CHCHD1: variants seen among roughly 807,000 people sequenced by gnomAD.
CHCHD1 encodes the protein coiled-coil-helix-coiled-coil-helix domain containing 1.
In CHCHD1, 12 loss-of-function variants were observed where a neutral mutation model predicts 12.7. That is an observed-to-expected ratio of 0.95 (90% CI 0.61 to 1.53). The LOEUF is 1.53. Ranked by LOEUF, CHCHD1 falls within the 40% of genes most tolerant of loss-of-function variation. The pLI is 0.00. For missense variants in CHCHD1, 151 were observed against 155.8 expected, an observed-to-expected ratio of 0.97 and a Z score of 0.17; for synonymous variants, 57 against 62.4, an observed-to-expected ratio of 0.91 and a Z score of 0.41.
intron 2 of CHCHD1, 172 bp from the exon 3 acceptor site, chr10:73,782,902 A>G (rs1316846975): frequency 3.1e-6 from 2 of 636,544 alleles, no homozygotes; most frequent in African/African-American, 1.8e-5. Flanking sequence ...AGAGGCTGAC[A>G]TAGATCTCTC....
chr10:73,782,696 G>A, intron 2 of CHCHD1: 1 of 903,636 alleles, frequency 1.1e-6, no homozygotes, highest in South Asian at 2.0e-5. Context: ...AGTGTCAGAT[G>A]AAGTAATGAA....
chr10:73,782,877 G>A (rs1481245699), intron 2 of CHCHD1, 197 bp from the exon 3 acceptor site: 30 of 599,092 alleles, frequency 5.0e-5, no homozygotes, highest in Non-Finnish European at 6.9e-5. Context: ...AGGTCCCAAC[G>A]CCCTTTTGTT....
At chr10:73,782,261 G>A in intron 1 of CHCHD1, 62 bp downstream of exon 1, 1 of 1,609,734 alleles carries the variant, frequency 6.2e-7, no homozygotes, top group Non-Finnish European at 8.5e-7. Context: ...GGGGCGGGTG[G>A]GTAGGAGGGC....
chr10:73,782,087 C>T lies in CHCHD1; in HGVS notation c.12C>T (p.Pro4=), dbSNP rs1307461496. 1.2e-5 allele frequency: 20 copies of T among 1,613,306 alleles called. No individual in the cohort carries two copies. Among genetic ancestry groups the T allele is most frequent in the Non-Finnish European group, 1.7e-5 (20 of 1,179,896 alleles). MAT[P]SLRGRLARFG... ...GAGCTTGGTGCGCTATGGCGACACC[C>T]AGCCTGCGGGGTCGTCTGGCGCGGT... Residue 4 remains proline (P), a synonymous_variant, in exon 1 of 3, where the codon CCC becomes CCT. Coordinates refer to ENST00000372833, the MANE Select transcript of CHCHD1 (RefSeq NM_203298.3).
At chr10:73,783,053 G>T (rs1348175507) in intron 2 of CHCHD1, 21 bp from the exon 3 acceptor site, 1 of 1,565,188 alleles carries the variant, frequency 6.4e-7, no homozygotes, top group Admixed American at 1.7e-5. Flanking sequence ...TGTCATTCTT[G>T]TATTTGTTTT....
At chr10:73,782,881 T>A in intron 2 of CHCHD1, 193 bp from the exon 3 acceptor site, 1 of 605,168 alleles carries the variant, frequency 1.7e-6, no homozygotes, top group Non-Finnish European at 2.9e-6. Flanking sequence ...CCCAACGCCC[T>A]TTTGTTGAAA....
Position 73,782,147 on chromosome 10 carries a change from T to A in CHCHD1, c.72T>A (p.Asn24Lys), listed in dbSNP as rs147216914. The stretch of plus-strand genomic sequence containing the variant: ...CGCGGAAGCCTGTGCTGAAGCCCAA[T>A]AAACCTCTCATTCTAGCTAACCGCG... ...GNPRKPVLKPNKPLILANRVG... is the reference protein window; with the variant it reads ...GNPRKPVLKPKKPLILANRVG... The change falls in exon 1 of 3, where the codon AAT becomes AAA. Residue 24 changes from asparagine (N) to lysine (K), a missense_variant. Coordinates refer to ENST00000372833, the MANE Select transcript of CHCHD1 (RefSeq NM_203298.3). 1.9e-6 allele frequency: 3 copies of A among 1,613,630 alleles called. No homozygotes were observed. The highest frequency in any genetic ancestry group is 2.5e-6 in the Non-Finnish European group (3 of 1,180,002).
rs1484726650 is a variant in CHCHD1, at chr10:73,782,345, G to T, written c.147G>T (p.Met49Ile). 6.2e-7 allele frequency: 1 copy of T among 1,614,066 alleles called. No individual in the cohort carries two copies. The highest frequency in any genetic ancestry group is 8.5e-7 in the Non-Finnish European group (1 of 1,180,010). ...EKGEATCITE[M>I]SVMMACWKQN... is the part of the protein sequence containing the mutation. ...CAGAGGCGACTTGCATCACGGAGAT[G>T]TCGGTGATGATGGCTTGCTGGAAGC... The change falls in exon 2 of 3, where the codon ATG becomes ATT. Residue 49 changes from methionine (M) to isoleucine (I), a missense_variant. Physicochemically the swap from Met to Ile is conservative, Grantham distance 10. Coordinates refer to ENST00000372833, the MANE Select transcript of CHCHD1 (RefSeq NM_203298.3).
At position 73,782,104 on chromosome 10, in the gene CHCHD1, T is replaced by G. The variant is rs1007822866; in HGVS notation, c.29T>G (p.Leu10Arg). MATPSLRGR[L>R]ARFGNPRKPV... is the part of the protein sequence containing the mutation. ...GCGACACCCAGCCTGCGGGGTCGTC[T>G]GGCGCGGTTTGGGAACCCGCGGAAG... The change falls in exon 1 of 3, where the codon CTG (leucine) becomes CGG (arginine). Residue 10 changes from leucine (L) to arginine (R), a missense_variant. By Grantham distance (102) the Leu-to-Arg change is moderately radical. Coordinates refer to ENST00000372833, the MANE Select transcript of CHCHD1 (RefSeq NM_203298.3). 1.2e-6 allele frequency: 2 copies of G among 1,613,166 alleles called. No individual in the cohort carries two copies. Among genetic ancestry groups the G allele is most frequent in the Non-Finnish European group, 1.7e-6 (2 of 1,179,958 alleles).
intron 2 of CHCHD1, chr10:73,782,802 T>A: frequency 3.5e-6 from 2 of 574,102 alleles, no homozygotes; most frequent in Middle Eastern, 4.7e-4. Context: ...ATGACAATAG[T>A]TTGGTTTCCT....
At chr10:73,782,226 C>T (rs1244241461) in intron 1 of CHCHD1, 27 bp downstream of exon 1, 1 of 1,612,516 alleles carries the variant, frequency 6.2e-7, no homozygotes, top group Non-Finnish European at 8.5e-7. Context: ...AGGACGGCCC[C>T]GGAGCGGAAG....
At chr10:73,782,660 C>A in intron 2 of CHCHD1, 1 of 1,191,466 alleles carries the variant, frequency 8.4e-7, no homozygotes, top group Non-Finnish European at 1.1e-6. Context: ...ATGAGGCTAA[C>A]CAATACCACC....
intron 2 of CHCHD1, chr10:73,782,840 G>T: frequency 1.7e-6 from 1 of 571,554 alleles, no homozygotes. Context: ...AGCTGAGATA[G>T]TAGCTTCTGA....
Position 73,783,212 on chromosome 10 carries a change from T to C in CHCHD1, c.*25T>C. On this transcript the variant is annotated 3_prime_UTR_variant, in exon 3 of 3. Coordinates refer to ENST00000372833, the MANE Select transcript of CHCHD1 (RefSeq NM_203298.3). ...AAAATGGACAAGTATTTTCAATGACTGAAATATAGCTTCTGACAACTATGC... is the reference window on the plus strand; with the variant it reads ...AAAATGGACAAGTATTTTCAATGACCGAAATATAGCTTCTGACAACTATGC... 6.5e-7 allele frequency: 1 copy of C among 1,535,228 alleles called. No individual in the cohort carries two copies. The highest frequency in any genetic ancestry group is 9.0e-7 in the Non-Finnish European group (1 of 1,109,576).
chr10:73,782,946 A>G, intron 2 of CHCHD1, 128 bp from the exon 3 acceptor site: 4 of 754,446 alleles, frequency 5.3e-6, no homozygotes, highest in South Asian at 3.1e-5. Context: ...GCTTTAGGGC[A>G]TTGTGAGAAC....
chr10:73,783,327 T>C lies in CHCHD1; in HGVS notation c.*140T>C. 1 of 607,506 alleles carries C rather than the reference T, an allele frequency of 1.6e-6. No homozygotes were observed. The allele number at this position is 607,506 out of a possible 1,614,324, so 37.6% of individuals were successfully genotyped here. Reference sequence around the variant, plus strand: ...TTTTTCACCCTTTGGAATCATAGTATGGGTAGAAGTTATGATTTATCTTGA... The same window carrying C: ...TTTTTCACCCTTTGGAATCATAGTACGGGTAGAAGTTATGATTTATCTTGA... On this transcript the variant is annotated 3_prime_UTR_variant, in exon 3 of 3. Coordinates refer to ENST00000372833, the MANE Select transcript of CHCHD1 (RefSeq NM_203298.3).
chr10:73,782,624 T>A, intron 2 of CHCHD1, 183 bp downstream of exon 2: 1 of 1,409,174 alleles, frequency 7.1e-7, no homozygotes, highest in Non-Finnish European at 9.2e-7. Flanking sequence ...TTCATTGCTC[T>A]GAACTTTCGA....
At position 73,782,456 on chromosome 10, in the gene CHCHD1, C is replaced by G. The variant is rs781627888; in HGVS notation, c.243+15C>G. Reference sequence around the variant, plus strand: ...CGAGGGCTCAGGTGACCGATGGCTCCTGGGGTGCTTTCTCAGGAAAAGAAT... The same window carrying G: ...CGAGGGCTCAGGTGACCGATGGCTCGTGGGGTGCTTTCTCAGGAAAAGAAT... On this transcript the variant is annotated intron_variant, in intron 2 of 2. Coordinates refer to ENST00000372833, the MANE Select transcript of CHCHD1 (RefSeq NM_203298.3). 1.7e-5 allele frequency: 27 copies of G among 1,614,048 alleles called. No homozygotes were observed. Among genetic ancestry groups the G allele is most frequent in the Non-Finnish European group, 2.1e-5 (25 of 1,179,958 alleles).
rs1238694680 is a variant in CHCHD1, at chr10:73,782,295, T to G, written c.125-28T>G. 3.7e-6 allele frequency: 6 copies of G among 1,610,712 alleles called. No homozygotes were observed. The African/African-American group carries it at 8.0e-5, about 22-fold the overall frequency. ...GCAGGAAGGTGGGTCTTCTTGTGAC[T>G]GAAGGTCCCCCGGATCTGCCCCTCC... On this transcript the variant is annotated intron_variant, in intron 1 of 2. Coordinates refer to ENST00000372833, the MANE Select transcript of CHCHD1 (RefSeq NM_203298.3).
Sources: allele counts gnomAD v4.1 joint callset, GRCh38; gene constraint gnomAD v4.1.1; transcripts MANE v1.5; gene names NCBI Gene and HGNC (gene_info 2026-07-23, HGNC 2026-07-21).